Variants in STK33 observed in about 807,000 individuals in gnomAD.
STK33 encodes serine/threonine-protein kinase 33.
Under a neutral mutation model 58.0 loss-of-function variants are expected in STK33, and 52 were observed. That is an observed-to-expected ratio of 0.90 (90% CI 0.72 to 1.13). STK33 has a LOEUF of 1.13. STK33 is among the 50% of genes most tolerant of loss of function. The pLI is 0.00. For synonymous variants in STK33, 215 were observed against 200.1 expected (o/e 1.07, Z -0.63); for missense variants, 630 against 604.2 (o/e 1.04, Z -0.45).
chr11:8,565,211 A>C (rs1957367290), intron 1 of STK33, among the ~76,000 whole-genome samples: 1 of 152,214 alleles, frequency 6.6e-6, no homozygotes, highest in Admixed American at 6.5e-5. Context: ...CCACCATCTA[A>C]TCAGCGCTAC....
At chr11:8,412,284 G>A (rs1434480029) in intron 15 of STK33, among the ~76,000 whole-genome samples, 2 of 152,056 alleles carry the variant, frequency 1.3e-5, no homozygotes, top group Non-Finnish European at 2.9e-5. Flanking sequence ...TATTTTTAAG[G>A]AGAATATAAA....
chr11:8,395,734 G>C lies in STK33; in HGVS notation c.1345-3024C>G, dbSNP rs191868424. Among the ~76,000 whole-genome samples, 17 of 152,190 alleles carry C rather than the reference G, an allele frequency of 1.1e-4. No individual in the cohort carries two copies. The East Asian group carries it at 3.3e-3, about 29-fold the overall frequency. On this transcript the variant is annotated intron_variant, in intron 15 of 15. Coordinates refer to ENST00000687296, the MANE Select transcript of STK33 (RefSeq NM_001352389.2). ...CTCTTCACAATGAACACTCAGGTTT[G>C]TTTCCAATCTTTTGCAAGCACATTT...
chr11:8,465,052 C>A, intron 6 of STK33: 1 of 313,074 alleles, frequency 3.2e-6, no homozygotes, highest in Non-Finnish European at 5.8e-6. Context: ...CCATAAAAAT[C>A]CTAATGGTGA....
intron 1 of STK33, among the ~76,000 whole-genome samples, chr11:8,591,138 C>A (rs2032530077): frequency 1.3e-5 from 2 of 152,188 alleles, no homozygotes; most frequent in Admixed American, 1.3e-4. Context: ...GCCATCAGTT[C>A]AAACAACTGT....
downstream of STK33, among the ~76,000 whole-genome samples, chr11:8,388,965 T>C (rs1164869206): frequency 6.6e-6 from 1 of 152,158 alleles, no homozygotes; most frequent in East Asian, 1.9e-4. Context: ...TGCCCTTTAC[T>C]GTACTTTGGT....
chr11:8,592,154 A>G (rs1242910285), intron 1 of STK33, among the ~76,000 whole-genome samples: 1 of 152,300 alleles, frequency 6.6e-6, no homozygotes, highest in East Asian at 1.9e-4. Flanking sequence ...ACAGACTATG[A>G]AACAGTTTTC....
At chr11:8,413,415 GAC>G in intron 15 of STK33, 78 bp downstream of exon 15, 1 of 1,465,352 alleles carries the variant, frequency 6.8e-7, no homozygotes, top group Non-Finnish European at 9.4e-7. Flanking sequence ...ACAACAAAAA[GAC>G]AGATTTGCAA....
intron 11 of STK33, among the ~76,000 whole-genome samples, chr11:8,448,372 AC>A (rs1945798649): frequency 6.6e-6 from 1 of 152,188 alleles, no homozygotes; most frequent in African/African-American, 2.4e-5. Flanking sequence ...ACGCTACCTG[AC>A]TTCAAACTAT....
chr11:8,541,994 A>G (rs1423795097), intron 1 of STK33, among the ~76,000 whole-genome samples: 3 of 152,200 alleles, frequency 2.0e-5, no homozygotes, highest in Non-Finnish European at 4.4e-5. Flanking sequence ...ATAATAATGG[A>G]ATTTTTATGC....
At chr11:8,497,855 G>C (rs938254720) in intron 1 of STK33, among the ~76,000 whole-genome samples, 2 of 152,134 alleles carry the variant, frequency 1.3e-5, no homozygotes, top group African/African-American at 4.8e-5. Flanking sequence ...AAAGTGATTA[G>C]ACTGAGGTCA....
At chr11:8,395,235 G>A (rs1416434982) in intron 15 of STK33, among the ~76,000 whole-genome samples, 1 of 152,176 alleles carries the variant, frequency 6.6e-6, no homozygotes, top group Non-Finnish European at 1.5e-5. Context: ...GGACCCAGTG[G>A]GAGGTAATTG....
At chr11:8,501,534 A>G (rs1951516056) in intron 1 of STK33, among the ~76,000 whole-genome samples, 2 of 152,176 alleles carry the variant, frequency 1.3e-5, no homozygotes, top group Admixed American at 1.3e-4. Context: ...ATAAAATAAA[A>G]TAACAAGTGC....
chr11:8,498,308 G>C (rs2139009089), intron 1 of STK33, among the ~76,000 whole-genome samples: 1 of 152,150 alleles, frequency 6.6e-6, no homozygotes, highest in South Asian at 2.1e-4. Flanking sequence ...GACAAACAGA[G>C]AGCCAAATCA....
intron 8 of STK33, among the ~76,000 whole-genome samples, chr11:8,457,958 T>C (rs187939922): frequency 7.2e-5 from 11 of 152,236 alleles, no homozygotes; most frequent in Non-Finnish European, 1.3e-4. Context: ...TGGAGAACAA[T>C]GAAGTGGTGA....
At chr11:8,538,548 GTCA>G (rs2140289154) in intron 1 of STK33, among the ~76,000 whole-genome samples, 1 of 152,214 alleles carries the variant, frequency 6.6e-6, no homozygotes, top group East Asian at 1.9e-4. Context: ...TGTCATTTTA[GTCA>G]TCATCATAGG....
intron 1 of STK33, among the ~76,000 whole-genome samples, chr11:8,562,155 T>C (rs1157197770): frequency 6.6e-6 from 1 of 152,256 alleles, no homozygotes; most frequent in African/African-American, 2.4e-5. Flanking sequence ...ATCTGAAATG[T>C]ACTTCATTCT....
chr11:8,531,548 G>A (rs557826350), intron 1 of STK33, among the ~76,000 whole-genome samples: 10 of 152,272 alleles, frequency 6.6e-5, no homozygotes, highest in East Asian at 3.9e-4. Flanking sequence ...AGATGCTGGC[G>A]GATGGCAGGA....
intron 10 of STK33, among the ~76,000 whole-genome samples, chr11:8,453,731 G>T (rs542550763): frequency 4.6e-5 from 7 of 152,294 alleles, no homozygotes; most frequent in African/African-American, 1.4e-4. Flanking sequence ...TCTTTGTCCA[G>T]AGACAATGAA....
At chr11:8,578,401 C>T (rs1276711864) in intron 1 of STK33, among the ~76,000 whole-genome samples, 1 of 151,926 alleles carries the variant, frequency 6.6e-6, no homozygotes, top group East Asian at 1.9e-4. Context: ...GTGGTACATC[C>T]ATTCAGTGGA....
Sources: allele counts gnomAD v4.1 joint callset (sites outside exome capture counted in the v4.1 genomes callset), GRCh38; gene constraint gnomAD v4.1.1; transcripts MANE v1.5; gene names NCBI Gene and HGNC (gene_info 2026-07-23, HGNC 2026-07-21).